Variants in NUDCD1 observed in about 807,000 individuals in gnomAD.
The protein encoded by NUDCD1 is nudC domain-containing protein 1.
A neutral mutation model predicts 67.8 loss-of-function variants in NUDCD1; 60 were observed. The ratio of observed to expected loss-of-function variants is 0.88; its 90% CI spans 0.72 to 1.10. The LOEUF is 1.10. Ranked by LOEUF, NUDCD1 falls within the 50% of genes least tolerant of loss-of-function variation. The pLI, the probability that NUDCD1 is intolerant of heterozygous loss-of-function variation, is 0.00. For missense variants in NUDCD1, 643 were observed against 695.0 expected (o/e 0.93, Z 0.84); for synonymous variants, 244 against 230.8 (o/e 1.06, Z -0.52).
intron 8 of NUDCD1, among the ~76,000 whole-genome samples, chr8:109,265,366 A>G (rs797002018): frequency 6.6e-6 from 1 of 152,138 alleles, no homozygotes; most frequent in South Asian, 2.1e-4. Context: ...GAGACCAAAA[A>G]CCACTGGTTT....
chr8:109,327,370 T>C (rs1212029259), intron 1 of NUDCD1, among the ~76,000 whole-genome samples: 1 of 152,178 alleles, frequency 6.6e-6, no homozygotes, highest in African/African-American at 2.4e-5. Context: ...AATACAATGG[T>C]TACGTGGCTT....
chr8:109,312,163 G>A (rs762227420), intron 2 of NUDCD1, among the ~76,000 whole-genome samples: 4 of 151,904 alleles, frequency 2.6e-5, no homozygotes, highest in Non-Finnish European at 5.9e-5. Flanking sequence ...TTAGACAGGT[G>A]TGGTGGCAGG....
intron 6 of NUDCD1, among the ~76,000 whole-genome samples, chr8:109,277,594 TG>T (rs1289970263): frequency 2.0e-5 from 3 of 152,220 alleles, no homozygotes; most frequent in Non-Finnish European, 4.4e-5. Flanking sequence ...CAGAAAATCG[TG>T]TTTTTAAAAC....
intron 8 of NUDCD1, among the ~76,000 whole-genome samples, chr8:109,260,568 C>T (rs1813843295): frequency 6.6e-6 from 1 of 152,208 alleles, no homozygotes; most frequent in East Asian, 1.9e-4. Context: ...TTAAAACAAG[C>T]ATACAGAAAT....
intron 2 of NUDCD1, among the ~76,000 whole-genome samples, chr8:109,302,508 G>A (rs1815012517): frequency 6.6e-6 from 1 of 152,068 alleles, no homozygotes. Context: ...GGCCAAGCCA[G>A]GTCCCAACTC....
intron 4 of NUDCD1, among the ~76,000 whole-genome samples, chr8:109,291,049 T>C (rs1377682935): frequency 6.6e-6 from 1 of 152,198 alleles, no homozygotes; most frequent in Non-Finnish European, 1.5e-5. Context: ...CACATATTTA[T>C]AGCGTGGCCT....
chr8:109,256,432 C>T (rs763059351), intron 8 of NUDCD1, among the ~76,000 whole-genome samples: 20 of 147,104 alleles, frequency 1.4e-4, no homozygotes, highest in Non-Finnish European at 2.5e-4. Flanking sequence ...ACTTTTGCAT[C>T]AGATGTGTGT....
In NUDCD1 at chr8:109,267,060, A is replaced by AT. The variant is rs764785226; in HGVS notation, c.1299+3944dup. On this transcript the variant is annotated intron_variant, in intron 8 of 9. Coordinates refer to ENST00000239690, the MANE Select transcript of NUDCD1 (RefSeq NM_032869.4). ...ATCCATTCTACATATACGTTTATGCATTTTTACTTCACTGCATTTTTGTCT... is the reference window on the plus strand; with the variant it reads ...ATCCATTCTACATATACGTTTATGCATTTTTTACTTCACTGCATTTTTGTCT... Among the ~76,000 whole-genome samples the AT allele has an allele frequency of 7.9e-5, 12 of 152,252 alleles. No homozygotes were observed. The South Asian group carries it at 8.3e-4, about 11-fold the overall frequency.
chr8:109,310,917 G>GT (rs1815231958), intron 2 of NUDCD1, among the ~76,000 whole-genome samples: 1 of 144,928 alleles, frequency 6.9e-6, no homozygotes, highest in Non-Finnish European at 1.5e-5. Flanking sequence ...CCAGGTTCAA[G>GT]TGATTCCCCT....
At chr8:109,313,686 A>G (rs1227833449) in intron 2 of NUDCD1, 6 of 419,652 alleles carry the variant, frequency 1.4e-5, no homozygotes, top group Admixed American at 1.1e-4. Context: ...CCCACACTGC[A>G]TTTAATCTAA....
chr8:109,276,002 C>T (rs185765579), intron 6 of NUDCD1, among the ~76,000 whole-genome samples: 4 of 151,638 alleles, frequency 2.6e-5, no homozygotes, highest in Non-Finnish European at 4.4e-5. Context: ...GTTAAATCAA[C>T]GCAAATCTTA....
intron 5 of NUDCD1, among the ~76,000 whole-genome samples, chr8:109,287,290 A>G (rs1162816102): frequency 1.3e-5 from 2 of 152,180 alleles, no homozygotes; most frequent in Non-Finnish European, 2.9e-5. Flanking sequence ...TAGTGGGTAT[A>G]TATATAAAAA....
At chr8:109,312,659 T>A (rs554059878) in intron 2 of NUDCD1, among the ~76,000 whole-genome samples, 1 of 152,150 alleles carries the variant, frequency 6.6e-6, no homozygotes, top group Non-Finnish European at 1.5e-5. Context: ...AAAAACAACC[T>A]AGTTGTTTAT....
intron 5 of NUDCD1, among the ~76,000 whole-genome samples, chr8:109,286,959 G>C (rs1205563135): frequency 6.6e-6 from 1 of 152,034 alleles, no homozygotes; most frequent in African/African-American, 2.4e-5. Context: ...ATGGGCAAAA[G>C]ACATGAACAG....
At chr8:109,322,916 TAC>T (rs1242635835) in intron 1 of NUDCD1, among the ~76,000 whole-genome samples, 6 of 152,246 alleles carry the variant, frequency 3.9e-5, no homozygotes, top group Non-Finnish European at 8.8e-5. Flanking sequence ...AATCTCATTA[TAC>T]AGTTATATAA....
At chr8:109,309,836 C>A (rs1162544891) in intron 2 of NUDCD1, among the ~76,000 whole-genome samples, 7 of 150,558 alleles carry the variant, frequency 4.6e-5, no homozygotes, top group African/African-American at 1.7e-4. Context: ...AGAACCAGAT[C>A]AAGAACTCAA....
At chr8:109,280,396 C>T (rs1814405092) in intron 6 of NUDCD1, among the ~76,000 whole-genome samples, 2 of 152,312 alleles carry the variant, frequency 1.3e-5, no homozygotes, top group Admixed American at 6.5e-5. Flanking sequence ...AATCCTCCTA[C>T]CTCAGCATCC....
intron 2 of NUDCD1, among the ~76,000 whole-genome samples, chr8:109,306,645 C>G (rs901058565): frequency 6.6e-6 from 1 of 151,878 alleles, no homozygotes; most frequent in Admixed American, 6.6e-5. Flanking sequence ...CCCCCACCCC[C>G]GGACCCCACT....
At chr8:109,303,193 C>T (rs954558212) in intron 2 of NUDCD1, among the ~76,000 whole-genome samples, 1 of 152,206 alleles carries the variant, frequency 6.6e-6, no homozygotes, top group African/African-American at 2.4e-5. Flanking sequence ...GTCCTACTCG[C>T]CCAGCAGCCA....
Sources: allele counts gnomAD v4.1 joint callset (sites outside exome capture counted in the v4.1 genomes callset), GRCh38; gene constraint gnomAD v4.1.1; transcripts MANE v1.5; gene names NCBI Gene and HGNC (gene_info 2026-07-23, HGNC 2026-07-21).